Variants in CORO1C observed in about 807,000 individuals in gnomAD.
CORO1C encodes the protein coronin 1C, also known as coronin-1C.
CORO1C carries 14 observed loss-of-function variants against 51.2 expected under a neutral mutation model. The observed-to-expected ratio is 0.27, with a 90% CI of 0.18 to 0.43. The LOEUF is 0.43. CORO1C is among the 20% of genes least tolerant of loss of function. CORO1C has a pLI of 1.00. For synonymous variants in CORO1C, 181 were observed against 210.5 expected (o/e 0.86, Z 1.21); for missense variants, 417 against 607.8 (o/e 0.69, Z 3.30).
Position 108,647,298 on chromosome 12 carries a change from A to C in CORO1C, c.*105T>G, listed in dbSNP as rs2032402469. 2 of 1,025,334 alleles carry C rather than the reference A, an allele frequency of 2.0e-6. No individual in the cohort carries two copies. The highest frequency in any genetic ancestry group is 2.0e-5 in the South Asian group (1 of 49,484). The allele number at this position is 1,025,334 out of a possible 1,614,324, so 63.5% of individuals were successfully genotyped here. A position where few individuals can be genotyped will look rare whatever the true frequency, so the allele number is the denominator to read the frequency against. On this transcript the variant is annotated 3_prime_UTR_variant, in exon 11 of 11. Coordinates refer to ENST00000261401, the MANE Select transcript of CORO1C (RefSeq NM_014325.4). ...ACAAATCTGAAATGGAATGTCTCCA[A>C]ATGGCAGTGCCTCCCTTTCCGCCCT...
In CORO1C at chr12:108,657,427, G is replaced by T; in HGVS notation, c.631-4C>A. 1 of 1,611,184 alleles carries T rather than the reference G, an allele frequency of 6.2e-7. No individual in the cohort carries two copies. Among genetic ancestry groups the T allele is most frequent in the African/African-American group, 1.3e-5 (1 of 74,886 alleles). On this transcript the variant is annotated splice_region_variant and splice_polypyrimidine_tract_variant and intron_variant, in intron 5 of 10. Coordinates refer to ENST00000261401, the MANE Select transcript of CORO1C (RefSeq NM_014325.4). Reference sequence around the variant, plus strand: ...CTTCATGTGCTTTCTCCTTCTCCTGGAGAGCAAAAAGGCACATGCCACACA... The same window carrying T: ...CTTCATGTGCTTTCTCCTTCTCCTGTAGAGCAAAAAGGCACATGCCACACA...
rs1018366051 is a variant in CORO1C, at chr12:108,701,036, C to G, written c.195+88G>C. The G allele has an allele frequency of 4.3e-6, 6 of 1,410,332 alleles. No individual in the cohort carries two copies. The African/African-American group carries it at 7.1e-5, about 17-fold the overall frequency. The allele number at this position is 1,410,332 out of a possible 1,614,324, so 87.4% of individuals were successfully genotyped here. A position where few individuals can be genotyped will look rare whatever the true frequency, so the allele number is the denominator to read the frequency against. ...TCAGAGTCTAATGGTTTCACAAATA[C>G]AATTCTTAGTGAACTGTCAATCTAT... On this transcript the variant is annotated intron_variant, in intron 2 of 10. Transcript: ENST00000261401.
At position 108,663,637 on chromosome 12, in the gene CORO1C, G is replaced by A. The variant is rs564734576; in HGVS notation, c.319-1479C>T. On this transcript the variant is annotated intron_variant, in intron 3 of 10. Coordinates refer to ENST00000261401, the MANE Select transcript of CORO1C (RefSeq NM_014325.4). ...TGAAATGTCCAGAATAGGCAAATCC[G>A]TAAAGACAGAAAGTAGAATAGTGGT... Among the ~76,000 whole-genome samples the A allele has an allele frequency of 4.6e-5, 7 of 152,326 alleles. No homozygotes were observed. In the East Asian group the frequency reaches 1.3e-3, roughly 29 times the overall value.
At chr12:108,686,066 A>C (rs2034283290) in intron 2 of CORO1C, among the ~76,000 whole-genome samples, 1 of 152,226 alleles carries the variant, frequency 6.6e-6, no homozygotes, top group African/African-American at 2.4e-5. Flanking sequence ...CAGTTCATGG[A>C]GATTAAAGGA....
At position 108,658,454 on chromosome 12, in the gene CORO1C, C is replaced by G. The variant is rs1029271519; in HGVS notation, c.630+284G>C. ...AATGCAGCCAATTGGTTTAATTGATCAAGACTTATAAACTCTTAAGGACTC... is the reference window on the plus strand; with the variant it reads ...AATGCAGCCAATTGGTTTAATTGATGAAGACTTATAAACTCTTAAGGACTC... On this transcript the variant is annotated intron_variant, in intron 5 of 10. Coordinates refer to ENST00000261401, the MANE Select transcript of CORO1C (RefSeq NM_014325.4). This position sits in a 1 kb window ranked among gnomAD's most constrained non-coding sequence, Gnocchi z 4.9. Among the ~76,000 whole-genome samples, 1 of 152,136 alleles carries G rather than the reference C, an allele frequency of 6.6e-6. No individual in the cohort carries two copies. Among genetic ancestry groups the G allele is most frequent in the African/African-American group, 2.4e-5 (1 of 41,424 alleles).
intron 1 of CORO1C, among the ~76,000 whole-genome samples, chr12:108,729,251 A>T (rs2035661086): frequency 6.6e-6 from 1 of 152,192 alleles, no homozygotes; most frequent in Admixed American, 6.5e-5. Flanking sequence ...AACGGTGTTT[A>T]AAAAAATGCT....
At chr12:108,671,572 C>T (rs1014134206) in intron 3 of CORO1C, among the ~76,000 whole-genome samples, 2 of 149,068 alleles carry the variant, frequency 1.3e-5, no homozygotes, top group Non-Finnish European at 3.0e-5. Context: ...GAATGACCAA[C>T]AATCTTCTAG....
intron 1 of CORO1C, among the ~76,000 whole-genome samples, chr12:108,705,322 T>C (rs1448803611): frequency 1.3e-5 from 2 of 151,696 alleles, no homozygotes; most frequent in East Asian, 1.9e-4. Flanking sequence ...CTACTAAAAA[T>C]ACAAAACTTA....
At chr12:108,652,508 A>G (rs997531939) in intron 7 of CORO1C, 91 bp from the exon 8 acceptor site, 2 of 990,514 alleles carry the variant, frequency 2.0e-6, no homozygotes, top group African/African-American at 1.6e-5. Flanking sequence ...ACCCAGCAGT[A>G]GTTGGGACCC....
chr12:108,648,544 G>C (rs2032484955), intron 10 of CORO1C, 61 bp downstream of exon 10: 1 of 1,603,788 alleles, frequency 6.2e-7, no homozygotes, highest in Non-Finnish European at 8.5e-7. Context: ...TGGACCACAA[G>C]GGCTTTCTAG....
At chr12:108,723,546 T>C (rs1212580294) in intron 1 of CORO1C, among the ~76,000 whole-genome samples, 1 of 152,184 alleles carries the variant, frequency 6.6e-6, no homozygotes, top group African/African-American at 2.4e-5. Context: ...TCATGAAAAA[T>C]CTACAGCTTT....
intron 1 of CORO1C, among the ~76,000 whole-genome samples, chr12:108,721,850 G>A (rs137863327): frequency 1.3e-5 from 2 of 152,090 alleles, no homozygotes; most frequent in Admixed American, 1.3e-4. Context: ...CTTTCCAAAG[G>A]TCACAGAAAC....
chr12:108,715,297 C>G (rs1377875249), intron 1 of CORO1C, among the ~76,000 whole-genome samples: 1 of 151,992 alleles, frequency 6.6e-6, no homozygotes, highest in African/African-American at 2.4e-5. Flanking sequence ...AAGAGAGACC[C>G]TTTTATGAAC....
chr12:108,651,369 T>C (rs1292229032), intron 8 of CORO1C, among the ~76,000 whole-genome samples: 1 of 152,184 alleles, frequency 6.6e-6, no homozygotes, highest in Non-Finnish European at 1.5e-5. Context: ...TTGACTAGCA[T>C]GAGAAAAAAG....
At chr12:108,687,085 G>A (rs896794784) in intron 2 of CORO1C, among the ~76,000 whole-genome samples, 3 of 152,138 alleles carry the variant, frequency 2.0e-5, no homozygotes, top group South Asian at 2.1e-4. Flanking sequence ...CAACACAGCC[G>A]AGTTCCTGGA....
At chr12:108,680,074 T>G (rs1381845796) in intron 2 of CORO1C, among the ~76,000 whole-genome samples, 1 of 152,238 alleles carries the variant, frequency 6.6e-6, no homozygotes, top group Non-Finnish European at 1.5e-5. Context: ...ATATGTGTTG[T>G]GAACTTTTAT....
intron 2 of CORO1C, among the ~76,000 whole-genome samples, chr12:108,682,455 T>C (rs1026579048): frequency 6.6e-6 from 1 of 152,170 alleles, no homozygotes; most frequent in Non-Finnish European, 1.5e-5. Context: ...AATGTCACTA[T>C]CTGACATCTA....
At chr12:108,685,967 TC>T (rs1705265103) in intron 2 of CORO1C, among the ~76,000 whole-genome samples, 1 of 152,080 alleles carries the variant, frequency 6.6e-6, no homozygotes, top group African/African-American at 2.4e-5. Context: ...CATAATGAAA[TC>T]AAAACAAAAG....
At chr12:108,718,492 A>C (rs2035395421) in intron 1 of CORO1C, among the ~76,000 whole-genome samples, 1 of 152,168 alleles carries the variant, frequency 6.6e-6, no homozygotes, top group African/African-American at 2.4e-5. Flanking sequence ...CAGTGAGCAG[A>C]GATCATGCCA....
Sources: gnomAD v4.1 joint callset for allele counts (sites outside exome capture counted in the v4.1 genomes callset) on GRCh38, gnomAD v4.1.1 for gene constraint, Gnocchi (gnomAD v3.1) non-coding constraint, MANE v1.5 for transcripts, NCBI Gene and HGNC (gene_info 2026-07-23, HGNC 2026-07-21) for gene names.